Variants in STX5 observed in about 807,000 individuals in gnomAD.
The protein encoded by STX5 is syntaxin-5.
In STX5, 15 loss-of-function variants were observed where a neutral mutation model predicts 42.9. The ratio of observed to expected loss-of-function variants is 0.35; its 90% CI spans 0.23 to 0.54. The LOEUF is 0.54. Ranked by LOEUF, STX5 falls within the 20% of genes least tolerant of loss-of-function variation. The pLI, the probability that STX5 is intolerant of heterozygous loss-of-function variation, is 0.91. For missense variants in STX5, 430 were observed against 455.0 expected, an observed-to-expected ratio of 0.95 and a Z score of 0.50; for synonymous variants, 184 against 173.2, an observed-to-expected ratio of 1.06 and a Z score of -0.49.
chr11:62,825,773 T>C (rs1440987421), intron 5 of STX5, among the ~76,000 whole-genome samples: 1 of 152,124 alleles, frequency 6.6e-6, no homozygotes, highest in African/African-American at 2.4e-5. Context: ...CTTCATCCAT[T>C]GTAAATAACT....
chr11:62,820,859 G>C (rs1019382246), intron 10 of STX5, among the ~76,000 whole-genome samples: 3 of 151,926 alleles, frequency 2.0e-5, no homozygotes, highest in Admixed American at 1.3e-4. Context: ...TCCTTCTTTT[G>C]AATTAATTGA....
At chr11:62,822,553 C>A (rs1196087019) in intron 10 of STX5, among the ~76,000 whole-genome samples, 1 of 152,126 alleles carries the variant, frequency 6.6e-6, no homozygotes, top group Non-Finnish European at 1.5e-5. Flanking sequence ...CACCTGCGGG[C>A]CTTTGCCAGG....
intron 10 of STX5, among the ~76,000 whole-genome samples, chr11:62,818,827 G>C (rs1172473552): frequency 6.6e-6 from 1 of 151,730 alleles, no homozygotes; most frequent in African/African-American, 2.4e-5. Flanking sequence ...ATGGGCAAGA[G>C]AGTGAGACCC....
At position 62,823,998 on chromosome 11, in the gene STX5, G is replaced by A; in HGVS notation, c.908+168C>T. On this transcript the variant is annotated intron_variant, in intron 10 of 10. Coordinates refer to ENST00000294179, the MANE Select transcript of STX5 (RefSeq NM_003164.5). ...GGAACAGTGCCTCACATGAACAGGT[G>A]CTCAATAAAAACTTGTTGGGTGGAT... The A allele has an allele frequency of 7.8e-6, 8 of 1,030,386 alleles. No individual in the cohort carries two copies. The South Asian group carries it at 1.2e-4, about 16-fold the overall frequency. The allele number at this position is 1,030,386 out of a possible 1,614,324, so 63.8% of individuals were successfully genotyped here.
chr11:62,831,163 G>A lies in STX5; in HGVS notation c.81C>T (p.Ser27=), dbSNP rs138452819. ...TGCTGCTACTGCCAGCAGTTGCAGGGGACAGGACCTGTGTCTTTGAGAGAC... is the reference window on the plus strand; with the variant it reads ...TGCTGCTACTGCCAGCAGTTGCAGGAGACAGGACCTGTGTCTTTGAGAGAC... ...YLGLSKTQVL[S]PATAGSSSSD... is the part of the protein sequence containing the mutation. Residue 27 remains serine (S), a synonymous_variant, in exon 2 of 11, where the codon TCC becomes TCT. Coordinates refer to ENST00000294179, the MANE Select transcript of STX5 (RefSeq NM_003164.5). 5 of 1,562,770 alleles carry A rather than the reference G, an allele frequency of 3.2e-6. No homozygotes were observed. The highest frequency in any genetic ancestry group is 1.3e-5 in the African/African-American group (1 of 74,166).
At chr11:62,823,227 C>A (rs1309995261) in intron 10 of STX5, among the ~76,000 whole-genome samples, 1 of 151,676 alleles carries the variant, frequency 6.6e-6, no homozygotes, top group South Asian at 2.1e-4. Context: ...CAGACTGGAG[C>A]GCAGTGGTTC....
rs112216554 is a variant in STX5, at chr11:62,824,421, T to C, written c.786+38A>G. Reference sequence around the variant, plus strand: ...CTCTCTCGGGAACCACAGAGGATAATGGAGAAGCTGATTCTACCTAGTTCA... The same window carrying C: ...CTCTCTCGGGAACCACAGAGGATAACGGAGAAGCTGATTCTACCTAGTTCA... On this transcript the variant is annotated intron_variant, in intron 9 of 10. Coordinates refer to ENST00000294179, the MANE Select transcript of STX5 (RefSeq NM_003164.5). 5.5e-4 allele frequency: 887 copies of C among 1,613,768 alleles called. 1 individual carries two copies. Among genetic ancestry groups the C allele is most frequent in the Non-Finnish European group, 7.3e-4 (862 of 1,179,748 alleles).
At position 62,807,373 on chromosome 11, in the gene STX5, T is replaced by C. The variant is rs915504002; in HGVS notation, c.*96A>G. 3.2e-5 allele frequency: 48 copies of C among 1,496,118 alleles called. No homozygotes were observed. The Middle Eastern group carries it at 7.4e-4, about 23-fold the overall frequency. The allele number at this position is 1,496,118 out of a possible 1,614,324, so 92.7% of individuals were successfully genotyped here. ...CAGTTCCAGGGAAACAGGGCCTTTC[T>C]CCCAAGTACCCTGCACAGGCTCAGT... On this transcript the variant is annotated 3_prime_UTR_variant, in exon 11 of 11. Transcript: ENST00000294179.
chr11:62,825,297 C>T lies in STX5; in HGVS notation c.583G>A (p.Glu195Lys). The T allele has an allele frequency of 1.2e-6, 2 of 1,614,182 alleles. No individual in the cohort carries two copies. The highest frequency in any genetic ancestry group is 8.5e-7 in the Non-Finnish European group (1 of 1,180,044). Residue 195 changes from glutamate (E) to lysine (K), a missense_variant, in exon 7 of 11, where the codon GAA becomes AAA. Physicochemically the swap from Glu to Lys is moderately conservative, Grantham distance 56. Transcript: ENST00000294179. Reference sequence around the variant, plus strand: ...ATTGTTCTCACCTCTGTCCTCACTTCTAAAACCGATTTGAAGTCATTGGAC... The same window carrying T: ...ATTGTTCTCACCTCTGTCCTCACTTTTAAAACCGATTTGAAGTCATTGGAC... ...SMSNDFKSVLEVRTENLKQQR... is the reference protein window; with the variant it reads ...SMSNDFKSVLKVRTENLKQQR...
At chr11:62,828,797 T>C (rs1371684229) in intron 2 of STX5, among the ~76,000 whole-genome samples, 1 of 151,512 alleles carries the variant, frequency 6.6e-6, no homozygotes, top group African/African-American at 2.4e-5. Flanking sequence ...CCAGGTGCAG[T>C]GGCTCACACC....
chr11:62,814,897 T>C (rs2084656888), intron 10 of STX5, among the ~76,000 whole-genome samples: 1 of 152,080 alleles, frequency 6.6e-6, no homozygotes, highest in African/African-American at 2.4e-5. Flanking sequence ...CCTGGCTTTC[T>C]GATTTAATAT....
chr11:62,827,424 T>C, intron 3 of STX5, 26 bp from the exon 4 acceptor site: 2 of 1,614,146 alleles, frequency 1.2e-6, no homozygotes, highest in Non-Finnish European at 1.7e-6. Flanking sequence ...AGTCAGACTG[T>C]GGGAAAGGGC....
Position 62,807,237 on chromosome 11 carries a change from G to C in STX5, c.*232C>G. ...TCTGCTCCCTTCCAGTCACTTCACA[G>C]CAGAGTTCAAATCTAGAACCCTGTG... is the stretch of plus-strand genomic sequence containing the variant. On this transcript the variant is annotated 3_prime_UTR_variant, in exon 11 of 11. Coordinates refer to ENST00000294179, the MANE Select transcript of STX5 (RefSeq NM_003164.5). 1 of 523,306 alleles carries C rather than the reference G, an allele frequency of 1.9e-6. No homozygotes were observed. Among genetic ancestry groups the C allele is most frequent in the South Asian group, 3.1e-5 (1 of 32,416 alleles). The allele number at this position is 523,306 out of a possible 1,614,324, so 32.4% of individuals were successfully genotyped here. A position where few individuals can be genotyped will look rare whatever the true frequency, so the allele number is the denominator to read the frequency against.
intron 5 of STX5, among the ~76,000 whole-genome samples, chr11:62,826,933 C>T (rs1175355437): frequency 2.0e-5 from 3 of 151,268 alleles, no homozygotes; most frequent in Non-Finnish European, 2.9e-5. Flanking sequence ...TCCCTGTAGT[C>T]TCTACCACTC....
At chr11:62,815,403 C>T (rs947687481) in intron 10 of STX5, among the ~76,000 whole-genome samples, 1 of 151,918 alleles carries the variant, frequency 6.6e-6, no homozygotes, top group Non-Finnish European at 1.5e-5. Flanking sequence ...ATTAGGAAAT[C>T]ATTAATTTTC....
At chr11:62,824,918 G>T in intron 8 of STX5, 118 bp downstream of exon 8, 1 of 997,396 alleles carries the variant, frequency 1.0e-6, no homozygotes, top group African/African-American at 1.6e-5. Flanking sequence ...GAGAGATAAA[G>T]CCTAGAAAAT....
At position 62,824,170 on chromosome 11, in the gene STX5, G is replaced by T. The variant is rs767728592; in HGVS notation, c.904C>A (p.Gln302Lys). 8 of 1,614,168 alleles carry T rather than the reference G, an allele frequency of 5.0e-6. No individual in the cohort carries two copies. In the East Asian group the frequency reaches 1.8e-4, roughly 36 times the overall value. Residue 302 changes from glutamine (Q) to lysine (K), a missense_variant, in exon 10 of 11, where the codon CAG becomes AAG. Transcript: ENST00000294179. ...HMVKEQEETIQRIDENVLGAQ... is the reference protein window; with the variant it reads ...HMVKEQEETIKRIDENVLGAQ... Reference sequence around the variant, plus strand: ...GGGCGAGAGAGTGTATCTCACCTCTGAATGGTTTCCTCCTGTTCCTTAACC... The same window carrying T: ...GGGCGAGAGAGTGTATCTCACCTCTTAATGGTTTCCTCCTGTTCCTTAACC...
rs1191834142 is a variant in STX5 at position 62,831,151 on chromosome 11, A to G, written c.93T>C (p.Ala31=). The change falls in exon 2 of 11, where the codon GCT becomes GCC. Residue 31 remains alanine, a synonymous_variant. Transcript: ENST00000294179. ...SKTQVLSPAT[A]GSSSSDIAPL... ...GGGCGATGTCGCTGCTGCTACTGCC[A>G]GCAGTTGCAGGGGACAGGACCTGTG... The G allele has an allele frequency of 3.2e-6, 5 of 1,560,038 alleles. No homozygotes were observed. Among genetic ancestry groups the G allele is most frequent in the Non-Finnish European group, 4.3e-6 (5 of 1,151,712 alleles).
Position 62,824,248 on chromosome 11 carries a change from T to C in STX5, c.826A>G (p.Ile276Val), listed in dbSNP as rs375594933. The C allele has an allele frequency of 1.9e-6, 3 of 1,614,036 alleles. No homozygotes were observed. The highest frequency in any genetic ancestry group is 2.5e-6 in the Non-Finnish European group (3 of 1,180,036). The change falls in exon 10 of 11, where the codon ATT (isoleucine) becomes GTT (valine). Residue 276 changes from isoleucine to valine, a missense_variant. Physicochemically the swap from Ile to Val is conservative, Grantham distance 29. Transcript: ENST00000294179. ...IQSRADTMQN[I>V]ESTIVELGSI... The stretch of plus-strand genomic sequence containing the variant: ...CCCAACTCAACAATTGTCGACTCAA[T>C]GTTCTGCATGGTGTCTGCCCGACTC...
Sources: allele counts gnomAD v4.1 joint callset (sites outside exome capture counted in the v4.1 genomes callset), GRCh38; gene constraint gnomAD v4.1.1; transcripts MANE v1.5; gene names NCBI Gene and HGNC (gene_info 2026-07-23, HGNC 2026-07-21).